The following COX15 variants were observed in gnomAD, a reference collection of about 807,000 sequenced individuals.
The protein encoded by COX15 is heme A synthase COX15.
A neutral mutation model predicts 51.9 loss-of-function variants in COX15; 51 were observed. The observed-to-expected ratio is 0.98, with a 90% confidence interval of 0.78 to 1.24. COX15 has a LOEUF of 1.24. COX15 is among the 50% of genes most tolerant of loss of function. The probability of loss-of-function intolerance (pLI) is 0.00; values close to 1 mark genes in which losing one functional copy is unlikely to be tolerated. For missense variants in COX15, 420 were observed against 501.1 expected, an observed-to-expected ratio of 0.84 and a Z score of 1.55; for synonymous variants, 188 against 190.5, an observed-to-expected ratio of 0.99 and a Z score of 0.11.
intron 5 of COX15, among the ~76,000 whole-genome samples, chr10:99,721,998 G>A (rs571697505): frequency 3.9e-5 from 6 of 152,118 alleles, no homozygotes; most frequent in Admixed American, 1.3e-4. Context: ...CAAGTAGCTG[G>A]GATTACAGGT....
chr10:99,718,609 T>A, intron 6 of COX15, 109 bp from the exon 7 acceptor site: 1 of 1,137,432 alleles, frequency 8.8e-7, no homozygotes, highest in Non-Finnish European at 1.3e-6. Flanking sequence ...AAGGGAACAG[T>A]CAGAGAATAA....
intron 1 of COX15, among the ~76,000 whole-genome samples, chr10:99,731,564 C>T (rs2037146918): frequency 6.6e-6 from 1 of 152,178 alleles, no homozygotes; most frequent in Admixed American, 6.5e-5. Context: ...CAATTTCCTT[C>T]TCTGTAGGAT....
At chr10:99,722,644 C>A (rs1227518863) in intron 5 of COX15, among the ~76,000 whole-genome samples, 3 of 151,944 alleles carry the variant, frequency 2.0e-5, no homozygotes, top group Non-Finnish European at 4.4e-5. Flanking sequence ...AGCAGCCTGG[C>A]CAACATGGTG....
At position 99,732,055 on chromosome 10, in the gene COX15, T is replaced by G. The variant is rs1358306766; in HGVS notation, c.-6A>C. On this transcript the variant is annotated 5_prime_UTR_variant, in exon 1 of 9. Transcript: ENST00000016171. ...GGAAAGAGCAATCGCTGCATACTGA[T>G]GACAGGGAACAGCCACCTCTTCCAC... 1 of 1,611,860 alleles carries G rather than the reference T, an allele frequency of 6.2e-7. No homozygotes were observed. Among genetic ancestry groups the G allele is most frequent in the Non-Finnish European group, 8.5e-7 (1 of 1,179,158 alleles).
intron 1 of COX15, 58 bp from the exon 2 acceptor site, chr10:99,729,792 A>G: frequency 6.4e-7 from 1 of 1,555,602 alleles, no homozygotes; most frequent in South Asian, 1.1e-5. Flanking sequence ...TGCTACCCAC[A>G]CTCAACCCCA....
downstream of COX15, among the ~76,000 whole-genome samples, chr10:99,708,543 GA>G (rs1342224394): frequency 6.6e-6 from 1 of 152,126 alleles, no homozygotes; most frequent in Non-Finnish European, 1.5e-5. Flanking sequence ...GGCTAGACAA[GA>G]TTAGAAACTA....
At chr10:99,718,725 T>C (rs906947184) in intron 6 of COX15, among the ~76,000 whole-genome samples, 13 of 152,162 alleles carry the variant, frequency 8.5e-5, no homozygotes, top group African/African-American at 3.1e-4. Flanking sequence ...AAGATTCTGC[T>C]TCCTCTAGAG....
chr10:99,731,849 G>T (rs538777965), intron 1 of COX15, 111 bp downstream of exon 1: 7 of 1,371,756 alleles, frequency 5.1e-6, no homozygotes, highest in Non-Finnish European at 6.1e-6. Flanking sequence ...TGCGTTGTGA[G>T]TGCACTGTAA....
At chr10:99,708,820 C>G, downstream of COX15, 1 of 985,368 alleles carries the variant, frequency 1.0e-6, no homozygotes, top group Middle Eastern at 5.2e-4. Context: ...GACTGGCCTC[C>G]TAGCCCAACT....
rs1175336324 is a variant in COX15 at position 99,712,178 on chromosome 10, C to A, written c.*2409G>T. On this transcript the variant is annotated 3_prime_UTR_variant, in exon 9 of 9. Transcript: ENST00000016171. Reference sequence around the variant, plus strand: ...CTAACACTGAATGTCACACTTTGAACATGAGATTTGGAGGGGACAAAACAT... The same window carrying A: ...CTAACACTGAATGTCACACTTTGAAAATGAGATTTGGAGGGGACAAAACAT... The A allele has an allele frequency of 2.1e-6, 2 of 961,204 alleles. No homozygotes were observed. Among genetic ancestry groups the A allele is most frequent in the Middle Eastern group, 1.1e-3 (2 of 1,898 alleles). 59.5% of individuals were successfully genotyped at this position (961,204 alleles called of 1,614,324 possible).
downstream of COX15, chr10:99,709,369 C>G: frequency 2.0e-6 from 2 of 985,308 alleles, no homozygotes; most frequent in Non-Finnish European, 2.4e-6. Context: ...GTAGAAATAG[C>G]AGATGTTTCA....
Position 99,718,375 on chromosome 10 carries a change from T to C in COX15, c.958A>G (p.Thr320Ala). The change falls in exon 7 of 9, where the codon ACC (threonine) becomes GCC (alanine). Residue 320 changes from threonine (T) to alanine (A), a missense_variant. Transcript: ENST00000016171. ...PILRNVFENPTMVQFDHRILG... is the reference protein window; with the variant it reads ...PILRNVFENPAMVQFDHRILG... ...ATCCGGTGATCAAACTGCACCATGGTGGGATTCTCAAAAACATTCCTCAGG... is the reference window on the plus strand; with the variant it reads ...ATCCGGTGATCAAACTGCACCATGGCGGGATTCTCAAAAACATTCCTCAGG... 6.2e-7 allele frequency: 1 copy of C among 1,614,002 alleles called. No homozygotes were observed. The highest frequency in any genetic ancestry group is 8.5e-7 in the Non-Finnish European group (1 of 1,179,962).
intron 5 of COX15, among the ~76,000 whole-genome samples, chr10:99,721,434 T>G (rs2036768069): frequency 6.6e-6 from 1 of 152,230 alleles, no homozygotes; most frequent in Admixed American, 6.5e-5. Context: ...GGATGTAGCT[T>G]AAGATCAGGA....
intron 6 of COX15, among the ~76,000 whole-genome samples, chr10:99,719,885 A>G (rs2036704402): frequency 6.6e-6 from 1 of 152,168 alleles, no homozygotes; most frequent in African/African-American, 2.4e-5. Flanking sequence ...GTTTGAATCA[A>G]TATTATTTTT....
chr10:99,709,202 C>T (rs1381915856), downstream of COX15: 5 of 985,254 alleles, frequency 5.1e-6, no homozygotes, highest in East Asian at 1.1e-4. Flanking sequence ...TAAAGAACTT[C>T]GTTGTAATTC....
chr10:99,730,777 G>A (rs1008280547), intron 1 of COX15, among the ~76,000 whole-genome samples: 1 of 152,158 alleles, frequency 6.6e-6, no homozygotes, highest in Non-Finnish European at 1.5e-5. Context: ...ATTTAAAAAT[G>A]GGGCCAGGTG....
intron 6 of COX15, among the ~76,000 whole-genome samples, chr10:99,718,704 G>A (rs1411781902): frequency 3.9e-5 from 6 of 152,180 alleles, no homozygotes; most frequent in Non-Finnish European, 8.8e-5. Context: ...ATCCTTACCT[G>A]CTCCCACCCC....
chr10:99,695,922 A>G, the COX15 span: 1 of 1,573,194 alleles, frequency 6.4e-7, no homozygotes, highest in Middle Eastern at 1.7e-4. Context: ...AACCAAAACT[A>G]AAATTCCCTT....
Position 99,714,453 on chromosome 10 carries a change from A to T in COX15, c.*134T>A, listed in dbSNP as rs899633120. 8.5e-6 allele frequency: 13 copies of T among 1,537,952 alleles called. No individual in the cohort carries two copies. In the Admixed American group the frequency reaches 2.6e-4, roughly 31 times the overall value. ...CCAGTGACTATCTCAAAACAGGAAA[A>T]GATTTTTAAGTAAGTTGACCATTTG... On this transcript the variant is annotated 3_prime_UTR_variant, in exon 9 of 9. Coordinates refer to ENST00000016171, the MANE Select transcript of COX15 (RefSeq NM_078470.6).
Sources: allele counts gnomAD v4.1 joint callset (sites outside exome capture counted in the v4.1 genomes callset), GRCh38; gene constraint gnomAD v4.1.1; transcripts MANE v1.5; gene names NCBI Gene and HGNC (gene_info 2026-07-23, HGNC 2026-07-21).